Variants in GRID2 observed in about 807,000 individuals in gnomAD.
GRID2 encodes glutamate receptor ionotropic, delta-2.
A neutral mutation model predicts 114.8 loss-of-function variants in GRID2; 33 were observed. The observed-to-expected ratio is 0.29, with a 90% CI of 0.22 to 0.38. GRID2 has a LOEUF of 0.38. GRID2 is among the 10% of genes least tolerant of loss of function. The pLI is 1.00. For synonymous variants in GRID2, 505 were observed against 449.9 expected, an observed-to-expected ratio of 1.12 and a Z score of -1.55; for missense variants, 1,184 against 1,257.7, an observed-to-expected ratio of 0.94 and a Z score of 0.89.
At chr4:92,744,487 C>CA (rs34643860) in intron 2 of GRID2, among the ~76,000 whole-genome samples, 2,118 of 85,154 alleles carry the variant, frequency 0.025, 28 homozygotes, top group African/African-American at 0.053. Context: ...TCCTCCATCT[C>CA]AAAAAAAAAA....
intron 1 of GRID2, among the ~76,000 whole-genome samples, chr4:92,498,482 A>T (rs527871085): frequency 6.6e-6 from 1 of 152,052 alleles, no homozygotes; most frequent in Non-Finnish European, 1.5e-5. Flanking sequence ...CAAAAGATAA[A>T]TTTGTTGAAT....
chr4:92,972,074 C>A (rs1226152108), intron 2 of GRID2, among the ~76,000 whole-genome samples: 2 of 152,034 alleles, frequency 1.3e-5, no homozygotes, highest in East Asian at 3.9e-4. Context: ...AGTTACTGGA[C>A]TGTAGGATAG....
chr4:92,908,282 G>A (rs865850427), intron 2 of GRID2, among the ~76,000 whole-genome samples: 3 of 151,954 alleles, frequency 2.0e-5, no homozygotes, highest in Admixed American at 6.6e-5. Context: ...TTGAATTATA[G>A]CATCAACTAT....
At chr4:93,486,371 G>A (rs1726406911) in intron 11 of GRID2, among the ~76,000 whole-genome samples, 1 of 151,270 alleles carries the variant, frequency 6.6e-6, no homozygotes, top group African/African-American at 2.4e-5. Context: ...ACAGAGTCTA[G>A]CACAACTCCA....
At position 92,634,859 on chromosome 4, in the gene GRID2, C is replaced by CAG. The variant is rs71682478; in HGVS notation, c.244+44591_244+44592dup. ...TTCGCATGCATTCGTTGCAGAGAGA[C>CAG]AGAGAGAGAGAGAGAGAGAAAGAGA... On this transcript the variant is annotated intron_variant, in intron 2 of 15. Coordinates refer to ENST00000282020, the MANE Select transcript of GRID2 (RefSeq NM_001510.4). Among the ~76,000 whole-genome samples the CAG allele has an allele frequency of 1.2e-3, 174 of 143,190 alleles. 2 individuals are homozygous for CAG. Among genetic ancestry groups the CAG allele is most frequent in the Admixed American group, 2.9e-3 (40 of 14,032 alleles). The allele number at this position is 143,190 out of a possible 152,430, so 93.9% of individuals were successfully genotyped here. A position where few individuals can be genotyped will look rare whatever the true frequency, so the allele number is the denominator to read the frequency against.
chr4:92,938,254 T>C lies in GRID2; in HGVS notation c.245-146741T>C, dbSNP rs966546231. 3.4e-5 allele frequency among the ~76,000 whole-genome samples: 5 copies of C among 146,626 alleles called. 1 individual carries two copies. The South Asian group carries it at 1.1e-3, about 33-fold the overall frequency. ...TGCTGGATTTGGTCTGTTAGTAATT[T>C]GTGATAAATTATCAGTTCTTATTTT... On this transcript the variant is annotated intron_variant, in intron 2 of 15. Coordinates refer to ENST00000282020, the MANE Select transcript of GRID2 (RefSeq NM_001510.4).
intron 2 of GRID2, among the ~76,000 whole-genome samples, chr4:92,764,536 G>A (rs981075478): frequency 8.5e-5 from 13 of 152,062 alleles, no homozygotes; most frequent in South Asian, 2.1e-4. Context: ...TTGTAGCTTC[G>A]TGCACTTCTT....
At chr4:93,154,727 G>A (rs922854161) in intron 4 of GRID2, among the ~76,000 whole-genome samples, 1 of 151,094 alleles carries the variant, frequency 6.6e-6, no homozygotes, top group African/African-American at 2.4e-5. Context: ...TCTTCTCTCT[G>A]TATTCGTGGC....
At chr4:92,370,575 A>T (rs1729072699) in intron 1 of GRID2, among the ~76,000 whole-genome samples, 1 of 151,860 alleles carries the variant, frequency 6.6e-6, no homozygotes. Flanking sequence ...TGCTTGTGAG[A>T]CTCCATCTCA....
At chr4:93,214,658 C>T (rs1743974592) in intron 5 of GRID2, among the ~76,000 whole-genome samples, 1 of 151,984 alleles carries the variant, frequency 6.6e-6, no homozygotes, top group Non-Finnish European at 1.5e-5. Context: ...ACTGACATTT[C>T]TTCAGATATA....
At chr4:93,622,399 G>A (rs1742292426) in intron 13 of GRID2, among the ~76,000 whole-genome samples, 1 of 152,090 alleles carries the variant, frequency 6.6e-6, no homozygotes, top group Non-Finnish European at 1.5e-5. Context: ...AAAAAGTGGT[G>A]TGCATAAGCT....
chr4:92,422,365 C>G (rs1198306502), intron 1 of GRID2, among the ~76,000 whole-genome samples: 2 of 152,098 alleles, frequency 1.3e-5, no homozygotes, highest in South Asian at 4.1e-4. Context: ...TAGGAGTCCA[C>G]TGGAGAGTTT....
chr4:92,474,248 T>A (rs1267150600), intron 1 of GRID2, among the ~76,000 whole-genome samples: 1 of 152,048 alleles, frequency 6.6e-6, no homozygotes, highest in South Asian at 2.1e-4. Context: ...AGATTGCGCG[T>A]ATAAGTGATG....
intron 9 of GRID2, among the ~76,000 whole-genome samples, chr4:93,421,026 A>ATTTCTTTC (rs1039816728): frequency 6.6e-6 from 1 of 151,890 alleles, no homozygotes; most frequent in African/African-American, 2.4e-5. Flanking sequence ...GTGCTGGGAT[A>ATTTCTTTC]TTTCTTTCTT....
At chr4:92,440,972 T>A (rs2149066848) in intron 1 of GRID2, among the ~76,000 whole-genome samples, 1 of 152,028 alleles carries the variant, frequency 6.6e-6, no homozygotes, top group Non-Finnish European at 1.5e-5. Flanking sequence ...TTGGAAGTTA[T>A]GAGAACTGTA....
At chr4:93,513,008 C>A (rs865927511) in intron 12 of GRID2, among the ~76,000 whole-genome samples, 1 of 152,038 alleles carries the variant, frequency 6.6e-6, no homozygotes, top group Non-Finnish European at 1.5e-5. Context: ...GAAAAAAAAA[C>A]TGCACTAAAC....
chr4:92,903,856 C>T (rs1747759300), intron 2 of GRID2, among the ~76,000 whole-genome samples: 1 of 151,828 alleles, frequency 6.6e-6, no homozygotes, highest in South Asian at 2.1e-4. Context: ...TCAATGTGCT[C>T]ATAGTATAAA....
intron 8 of GRID2, among the ~76,000 whole-genome samples, chr4:93,249,256 G>A (rs1748558337): frequency 6.6e-6 from 1 of 152,170 alleles, no homozygotes; most frequent in African/African-American, 2.4e-5. Context: ...GCAGTACCAT[G>A]CTGTTTTGGT....
intron 2 of GRID2, among the ~76,000 whole-genome samples, chr4:92,759,128 G>A (rs946119151): frequency 6.6e-6 from 1 of 152,088 alleles, no homozygotes; most frequent in Non-Finnish European, 1.5e-5. Context: ...TTTTGGGAAA[G>A]GTCATTTGGC....
Sources: allele counts gnomAD v4.1 joint callset (sites outside exome capture counted in the v4.1 genomes callset), GRCh38; gene constraint gnomAD v4.1.1; transcripts MANE v1.5; gene names NCBI Gene and HGNC (gene_info 2026-07-23, HGNC 2026-07-21).